PHIP: variants seen among roughly 807,000 people sequenced by gnomAD.
The protein encoded by PHIP is PH-interacting protein.
In PHIP, 54 loss-of-function variants were observed where a neutral mutation model predicts 236.8. The observed-to-expected ratio is 0.23, with a 90% CI of 0.18 to 0.29. PHIP has a LOEUF of 0.29. Among genes scored for constraint, PHIP ranks in the 10% least tolerant of loss-of-function variants. The pLI is 1.00. For missense variants in PHIP, 1,370 were observed against 2,190.8 expected (o/e 0.63, Z 7.48); for synonymous variants, 756 against 718.9 (o/e 1.05, Z -0.83).
intron 4 of PHIP, among the ~76,000 whole-genome samples, chr6:79,070,227 C>G (rs1272593968): frequency 6.6e-6 from 1 of 152,074 alleles, no homozygotes; most frequent in East Asian, 1.9e-4. Flanking sequence ...TTTTAAAATT[C>G]TCTTTAAAGC....
At chr6:79,029,523 T>C (rs1006215188) in intron 7 of PHIP, among the ~76,000 whole-genome samples, 2 of 152,196 alleles carry the variant, frequency 1.3e-5, no homozygotes, top group Admixed American at 6.5e-5. Context: ...TTTTATTTTA[T>C]TATTTATACA....
intron 35 of PHIP, among the ~76,000 whole-genome samples, chr6:78,950,173 G>A (rs192806963): frequency 4.7e-4 from 72 of 152,318 alleles, no homozygotes; most frequent in African/African-American, 1.5e-3. Context: ...CTATTAATAT[G>A]ATGGATTACA....
chr6:78,973,822 C>A (rs1378830484), intron 24 of PHIP, among the ~76,000 whole-genome samples: 1 of 151,676 alleles, frequency 6.6e-6, no homozygotes, highest in Non-Finnish European at 1.5e-5. Context: ...ACAAGAAGAG[C>A]TAACTATCCT....
chr6:79,034,056 G>A (rs1562195854), intron 7 of PHIP, among the ~76,000 whole-genome samples: 1 of 152,128 alleles, frequency 6.6e-6, no homozygotes, highest in Non-Finnish European at 1.5e-5. Context: ...AGGAACATCA[G>A]AGATTATAGA....
chr6:78,974,954 A>C (rs1166347767), intron 24 of PHIP, among the ~76,000 whole-genome samples: 5 of 151,574 alleles, frequency 3.3e-5, no homozygotes, highest in African/African-American at 1.2e-4. Flanking sequence ...ACAAGGAGGA[A>C]CTGGTACCAT....
intron 32 of PHIP, chr6:78,956,551 A>C (rs1175544940): frequency 6.6e-6 from 1 of 152,144 alleles, no homozygotes; most frequent in African/African-American, 2.4e-5. Context: ...CTCAGAGCTT[A>C]TATTTTAGAT....
intron 7 of PHIP, among the ~76,000 whole-genome samples, chr6:79,041,347 C>T (rs151216709): frequency 3.3e-5 from 5 of 152,092 alleles, no homozygotes; most frequent in Non-Finnish European, 7.4e-5. Context: ...ACTGCATTCT[C>T]CCTAAAAAAA....
At chr6:79,073,370 T>C (rs1216119859) in intron 4 of PHIP, among the ~76,000 whole-genome samples, 1 of 152,172 alleles carries the variant, frequency 6.6e-6, no homozygotes, top group African/African-American at 2.4e-5. Flanking sequence ...ATTAAAGCTG[T>C]TTTAGAGACT....
intron 39 of PHIP, among the ~76,000 whole-genome samples, chr6:78,943,046 T>C (rs1266663745): frequency 2.0e-5 from 3 of 152,184 alleles, no homozygotes; most frequent in Non-Finnish European, 4.4e-5. Flanking sequence ...TCAATTTAAA[T>C]ACCAAAGCAG....
chr6:78,948,681 G>A (rs955091389), intron 35 of PHIP, among the ~76,000 whole-genome samples: 9 of 152,092 alleles, frequency 5.9e-5, no homozygotes, highest in Admixed American at 4.6e-4. Context: ...TTTTTGTAGA[G>A]ACGGGTCTTA....
chr6:78,999,604 G>C (rs184502142), intron 17 of PHIP, among the ~76,000 whole-genome samples: 2 of 151,980 alleles, frequency 1.3e-5, no homozygotes, highest in East Asian at 3.9e-4. Context: ...TAAAATATAT[G>C]AAAAATATTG....
At position 79,029,255 on chromosome 6, in the gene PHIP, T is replaced by C. The variant is rs139875471; in HGVS notation, c.601-3091A>G. ...AGTTTGCTGCCCCTACCCCTAATTC[T>C]ACCCCTCAGGACTCCCGGAAGATTT... On this transcript the variant is annotated intron_variant, in intron 7 of 39. Coordinates refer to ENST00000275034, the MANE Select transcript of PHIP (RefSeq NM_017934.7). Among the ~76,000 whole-genome samples the C allele has an allele frequency of 6.4e-4, 97 of 152,286 alleles. 1 individual carries two copies. In the South Asian group the frequency reaches 8.1e-3, roughly 13 times the overall value.
chr6:79,020,688 A>C (rs1440882814), intron 9 of PHIP, among the ~76,000 whole-genome samples: 3 of 152,204 alleles, frequency 2.0e-5, no homozygotes, highest in Non-Finnish European at 4.4e-5. Flanking sequence ...TATTGAAGGG[A>C]TATCTGCACT....
At chr6:78,955,459 G>A (rs1415062607) in intron 33 of PHIP, among the ~76,000 whole-genome samples, 154 bp downstream of exon 33, 1 of 150,486 alleles carries the variant, frequency 6.6e-6, no homozygotes, top group African/African-American at 2.4e-5. Flanking sequence ...TTAACTATAA[G>A]AAGAATATTC....
chr6:79,025,306 G>A (rs1291138320), intron 9 of PHIP, among the ~76,000 whole-genome samples: 2 of 151,354 alleles, frequency 1.3e-5, no homozygotes, highest in Admixed American at 6.6e-5. Context: ...AGGATAAAGA[G>A]AAAAAAAATG....
intron 7 of PHIP, among the ~76,000 whole-genome samples, chr6:79,042,265 A>G (rs1168211282): frequency 6.6e-6 from 1 of 152,046 alleles, no homozygotes; most frequent in Non-Finnish European, 1.5e-5. Flanking sequence ...ACAAGAAACA[A>G]TAACAAATAA....
At chr6:79,025,753 T>C in intron 8 of PHIP, 134 bp from the exon 9 acceptor site, 1 of 710,488 alleles carries the variant, frequency 1.4e-6, no homozygotes, top group Admixed American at 2.8e-5. Context: ...TTATGTTATT[T>C]AAAGTCCATA....
In PHIP at chr6:79,060,469, A is replaced by G; in HGVS notation, c.439+9T>C. The G allele has an allele frequency of 6.2e-7, 1 of 1,600,396 alleles. No homozygotes were observed. The highest frequency in any genetic ancestry group is 1.3e-5 in the African/African-American group (1 of 74,394). ...GGCTATTAACTACTAGTGAACTCAAACAACTCACCAATGCTGGGTGGGCTA... is the reference window on the plus strand; with the variant it reads ...GGCTATTAACTACTAGTGAACTCAAGCAACTCACCAATGCTGGGTGGGCTA... On this transcript the variant is annotated intron_variant, in intron 6 of 39. Coordinates refer to ENST00000275034, the MANE Select transcript of PHIP (RefSeq NM_017934.7).
chr6:79,017,509 T>C lies in PHIP; in HGVS notation c.1069A>G (p.Lys357Glu). 1 of 1,611,716 alleles carries C rather than the reference T, an allele frequency of 6.2e-7. No individual in the cohort carries two copies. Among genetic ancestry groups the C allele is most frequent in the South Asian group, 1.1e-5 (1 of 90,984 alleles). Residue 357 changes from lysine to glutamate, a missense_variant, in exon 11 of 40, where the codon AAA becomes GAA. Physicochemically the swap from Lys to Glu is moderately conservative, Grantham distance 56. Around this residue, in one of 14 missense-constraint regions of PHIP, gnomAD observed 188 missense variants for 354.3 expected, o/e 0.53. Transcript: ENST00000275034. Reference protein sequence around the residue: ...VYFFGSGQPEKISELEFHTDK... With the variant: ...VYFFGSGQPEEISELEFHTDK... ...GTATGAAACTCCAATTCTGATATTTTCTCTGGCTGACCTGATCCAAAAAAA... is the reference window on the plus strand; with the variant it reads ...GTATGAAACTCCAATTCTGATATTTCCTCTGGCTGACCTGATCCAAAAAAA...
Sources: allele counts gnomAD v4.1 joint callset (sites outside exome capture counted in the v4.1 genomes callset), GRCh38; gene constraint gnomAD v4.1.1; regional missense constraint gnomAD v4.1.1; transcripts MANE v1.5; gene names NCBI Gene and HGNC (gene_info 2026-07-23, HGNC 2026-07-21).